Variants in CALN1 observed in about 807,000 individuals in gnomAD.
CALN1 encodes calcium-binding protein 8.
A neutral mutation model predicts 30.6 loss-of-function variants in CALN1; 17 were observed. The observed-to-expected ratio is 0.56, with a 90% CI of 0.38 to 0.83. The LOEUF is 0.83. CALN1 is among the 40% of genes least tolerant of loss of function. CALN1 has a pLI of 0.00. For synonymous variants in CALN1, 156 were observed against 131.4 expected, an observed-to-expected ratio of 1.19 and a Z score of -1.28; for missense variants, 291 against 354.9, an observed-to-expected ratio of 0.82 and a Z score of 1.45.
chr7:72,421,276 C>T (rs1311926239), intron 1 of CALN1, among the ~76,000 whole-genome samples: 1 of 152,162 alleles, frequency 6.6e-6, no homozygotes, highest in Non-Finnish European at 1.5e-5. Context: ...AACCTCTCCC[C>T]ACCCTGAGTC....
intron 2 of CALN1, among the ~76,000 whole-genome samples, chr7:72,321,029 G>C (rs1276258986): frequency 6.6e-6 from 1 of 152,050 alleles, no homozygotes; most frequent in East Asian, 1.9e-4. Flanking sequence ...ATTAACCTAT[G>C]CCAAGTACTT....
chr7:72,053,767 T>C (rs1802991978), intron 4 of CALN1, among the ~76,000 whole-genome samples: 1 of 152,088 alleles, frequency 6.6e-6, no homozygotes, highest in African/African-American at 2.4e-5. Flanking sequence ...ACCATATTTG[T>C]TGTCTTTTAT....
chr7:72,084,990 T>C (rs1478926343), intron 4 of CALN1, among the ~76,000 whole-genome samples: 2 of 152,204 alleles, frequency 1.3e-5, no homozygotes, highest in Admixed American at 1.3e-4. Context: ...ATCCAAGCTG[T>C]CTATACTACC....
At chr7:71,846,974 A>G (rs546917863) in intron 5 of CALN1, among the ~76,000 whole-genome samples, 2 of 148,538 alleles carry the variant, frequency 1.3e-5, no homozygotes, top group African/African-American at 4.9e-5. Flanking sequence ...ACACACATAT[A>G]TACACATATA....
rs193203659 is a variant in CALN1 at position 72,146,417 on chromosome 7, T to C, written c.245-40123A>G. ...CTAGGAATCCAACTTACAAGGGATG[T>C]GAAGACCTCTTCAAGGAGAACTACA... On this transcript the variant is annotated intron_variant, in intron 3 of 6. Coordinates refer to ENST00000395275, the MANE Select transcript of CALN1 (RefSeq NM_031468.4). Among the ~76,000 whole-genome samples, 1,047 of 152,294 alleles carry C rather than the reference T, an allele frequency of 6.9e-3. 14 individuals carry two copies. Among genetic ancestry groups the C allele is most frequent in the African/African-American group, 0.023 (964 of 41,562 alleles).
At position 72,205,443 on chromosome 7, in the gene CALN1, T is replaced by TCCAC. The variant is rs1436435080; in HGVS notation, c.244+73239_244+73242dup. ...TCTCTAACTCCTGACCTCAAGTTGATCCACCCACCTTGGCCTTTCAAACTG... is the reference window on the plus strand; with the variant it reads ...TCTCTAACTCCTGACCTCAAGTTGATCCACCCACCCACCTTGGCCTTTCAAACTG... On this transcript the variant is annotated intron_variant, in intron 3 of 6. Coordinates refer to ENST00000395275, the MANE Select transcript of CALN1 (RefSeq NM_031468.4). Among the ~76,000 whole-genome samples, 3 of 149,872 alleles carry TCCAC rather than the reference T, an allele frequency of 2.0e-5. No individual in the cohort carries two copies. In the East Asian group the frequency reaches 6.0e-4, roughly 30 times the overall value.
At chr7:72,416,825 A>G (rs1253258322), upstream of CALN1, among the ~76,000 whole-genome samples, 2 of 151,686 alleles carry the variant, frequency 1.3e-5, no homozygotes, top group Non-Finnish European at 2.9e-5. Flanking sequence ...TCCTGCATTA[A>G]TGTCAGCATC....
At chr7:72,316,146 A>T (rs1374804123) in intron 2 of CALN1, among the ~76,000 whole-genome samples, 2 of 79,732 alleles carry the variant, frequency 2.5e-5, no homozygotes, top group African/African-American at 3.5e-5. Context: ...TTATGTCTTT[A>T]AAAAAAAAGA....
intron 2 of CALN1, among the ~76,000 whole-genome samples, chr7:72,334,863 G>C (rs1214541514): frequency 2.0e-5 from 3 of 152,164 alleles, no homozygotes; most frequent in Admixed American, 1.3e-4. Context: ...TGCAGCTATT[G>C]CCATGAAAAA....
intron 5 of CALN1, among the ~76,000 whole-genome samples, chr7:71,955,547 G>A (rs956044243): frequency 6.6e-6 from 1 of 151,920 alleles, no homozygotes; most frequent in Admixed American, 6.6e-5. Flanking sequence ...GCACAGCAGG[G>A]GTTCAAATCC....
At chr7:72,252,664 A>G (rs1466906882) in intron 3 of CALN1, among the ~76,000 whole-genome samples, 1 of 151,662 alleles carries the variant, frequency 6.6e-6, no homozygotes, top group Non-Finnish European at 1.5e-5. Flanking sequence ...GAGATCCAGA[A>G]TCCCACTGCT....
intron 2 of CALN1, among the ~76,000 whole-genome samples, chr7:72,296,028 A>G (rs986325070): frequency 3.9e-5 from 6 of 152,062 alleles, no homozygotes; most frequent in African/African-American, 9.7e-5. Context: ...ATTATTTTGA[A>G]ATACATCCCA....
chr7:71,989,630 C>T (rs905937750), intron 5 of CALN1, among the ~76,000 whole-genome samples: 1 of 152,148 alleles, frequency 6.6e-6, no homozygotes, highest in Non-Finnish European at 1.5e-5. Flanking sequence ...AACCTTTGCA[C>T]TTTGCGACAA....
chr7:72,057,718 T>TG (rs896060625), intron 4 of CALN1, among the ~76,000 whole-genome samples: 24 of 141,202 alleles, frequency 1.7e-4, no homozygotes, highest in African/African-American at 6.1e-4. Flanking sequence ...GAAGACTTAT[T>TG]GGGAAAAAAA....
chr7:72,119,687 C>T (rs973498313), intron 3 of CALN1, among the ~76,000 whole-genome samples: 1 of 152,104 alleles, frequency 6.6e-6, no homozygotes, highest in East Asian at 1.9e-4. Flanking sequence ...AGGTGAAAGG[C>T]ATGTCTTGCA....
intron 5 of CALN1, among the ~76,000 whole-genome samples, chr7:71,977,514 T>A (rs1385565317): frequency 6.6e-6 from 1 of 152,158 alleles, no homozygotes; most frequent in African/African-American, 2.4e-5. Context: ...ACCTGCTTCC[T>A]CTCATCAGAT....
intron 2 of CALN1, among the ~76,000 whole-genome samples, chr7:72,301,432 A>G (rs1375031879): frequency 6.6e-6 from 1 of 151,684 alleles, no homozygotes; most frequent in Non-Finnish European, 1.5e-5. Flanking sequence ...ACATGGTGAA[A>G]CCCTGTCTCT....
chr7:71,835,687 C>T (rs1023479742), intron 5 of CALN1, among the ~76,000 whole-genome samples: 3 of 152,114 alleles, frequency 2.0e-5, no homozygotes, highest in Admixed American at 2.0e-4. Flanking sequence ...CCACCAGCCC[C>T]ATAGAAGCAC....
chr7:71,855,729 T>C (rs1183315391), intron 5 of CALN1, among the ~76,000 whole-genome samples: 3 of 152,070 alleles, frequency 2.0e-5, no homozygotes, highest in Non-Finnish European at 2.9e-5. Context: ...GGCTACCCTA[T>C]ACCTTACTTA....
Sources: gnomAD v4.1 joint callset for allele counts (sites outside exome capture counted in the v4.1 genomes callset) on GRCh38, gnomAD v4.1.1 for gene constraint, MANE v1.5 for transcripts, NCBI Gene and HGNC (gene_info 2026-07-23, HGNC 2026-07-21) for gene names.